The following AKT3 variants were observed in gnomAD, a reference collection of about 807,000 sequenced individuals.
The protein encoded by AKT3 is AKT serine/threonine kinase 3.
Under a neutral mutation model 65.3 loss-of-function variants are expected in AKT3, and 15 were observed. That is an observed-to-expected ratio of 0.23 (90% CI 0.15 to 0.35). The LOEUF (loss-of-function observed/expected upper bound fraction) is 0.35. Among genes scored for constraint, AKT3 ranks in the 10% least tolerant of loss-of-function variants. The probability of loss-of-function intolerance (pLI) is 1.00; values close to 1 mark genes in which losing one functional copy is unlikely to be tolerated. For missense variants in AKT3, 243 were observed against 576.5 expected, an observed-to-expected ratio of 0.42 and a Z score of 5.92; for synonymous variants, 206 against 183.8, an observed-to-expected ratio of 1.12 and a Z score of -0.98.
intron 13 of AKT3, among the ~76,000 whole-genome samples, chr1:243,509,442 T>C (rs1669883876): frequency 6.6e-6 from 1 of 152,132 alleles, no homozygotes; most frequent in Admixed American, 6.5e-5. Flanking sequence ...GAGATTCTGG[T>C]CCTTGAAAGC....
At chr1:243,587,500 A>C (rs1675897654) in intron 8 of AKT3, among the ~76,000 whole-genome samples, 1 of 152,062 alleles carries the variant, frequency 6.6e-6, no homozygotes, top group African/African-American at 2.4e-5. Flanking sequence ...AATCCCAGCT[A>C]CTCAGGAGGC....
chr1:243,570,469 T>A (rs1674477885), intron 9 of AKT3, among the ~76,000 whole-genome samples: 1 of 152,208 alleles, frequency 6.6e-6, no homozygotes, highest in Non-Finnish European at 1.5e-5. Flanking sequence ...CCCCCCTCTA[T>A]AATTTCATTT....
chr1:243,575,219 G>C (rs1674853758), intron 8 of AKT3, among the ~76,000 whole-genome samples: 1 of 152,106 alleles, frequency 6.6e-6, no homozygotes, highest in Non-Finnish European at 1.5e-5. Context: ...CTGGGCTTTG[G>C]TAATATGACT....
chr1:243,501,745 C>A lies in AKT3; in HGVS notation c.*3504G>T, dbSNP rs1252961369. 4.3e-6 allele frequency: 1 copy of A among 232,804 alleles called. No homozygotes were observed. Among genetic ancestry groups the A allele is most frequent in the Non-Finnish European group, 8.5e-6 (1 of 117,894 alleles). 14.4% of individuals were successfully genotyped at this position (232,804 alleles called of 1,614,324 possible). The stretch of plus-strand genomic sequence containing the variant: ...GGGGGGATTATAGAACCACATCCAA[C>A]AACAATAAACAGAGAAGTAGCAGAT... On this transcript the variant is annotated 3_prime_UTR_variant, in exon 14 of 14. Coordinates refer to ENST00000673466, the MANE Select transcript of AKT3 (RefSeq NM_005465.7).
intron 8 of AKT3, among the ~76,000 whole-genome samples, chr1:243,582,498 C>G (rs1222245076): frequency 6.7e-6 from 1 of 149,650 alleles, no homozygotes; most frequent in African/African-American, 2.5e-5. Context: ...ATTTCATAAC[C>G]TGCCAAACCA....
At chr1:243,666,301 G>A (rs1427338224) in intron 3 of AKT3, among the ~76,000 whole-genome samples, 1 of 152,106 alleles carries the variant, frequency 6.6e-6, no homozygotes, top group Non-Finnish European at 1.5e-5. Flanking sequence ...ACCGTATCCA[G>A]CCCCAGATTA....
intron 13 of AKT3, among the ~76,000 whole-genome samples, chr1:243,508,515 C>A (rs1669810896): frequency 6.6e-6 from 1 of 152,188 alleles, no homozygotes; most frequent in African/African-American, 2.4e-5. Context: ...CACAGCAAGT[C>A]CATAGCGCCC....
chr1:243,561,172 A>G (rs2148482770), intron 10 of AKT3, among the ~76,000 whole-genome samples: 1 of 152,264 alleles, frequency 6.6e-6, no homozygotes, highest in Admixed American at 6.5e-5. Flanking sequence ...TATTTACAAT[A>G]ACTTAACATT....
At chr1:243,806,214 C>CTA (rs1449198572) in intron 2 of AKT3, among the ~76,000 whole-genome samples, 1 of 152,194 alleles carries the variant, frequency 6.6e-6, no homozygotes, top group African/African-American at 2.4e-5. Flanking sequence ...GATACCTTTA[C>CTA]TATAGCACTT....
intron 2 of AKT3, among the ~76,000 whole-genome samples, chr1:243,797,572 C>T (rs1172508857): frequency 6.6e-6 from 1 of 152,110 alleles, no homozygotes; most frequent in East Asian, 1.9e-4. Flanking sequence ...ATAGCACCTC[C>T]CAATCCCAAC....
Position 243,539,148 on chromosome 1 carries a change from T to C in AKT3, c.1251+6362A>G, listed in dbSNP as rs1672121575. ...TTGAACAACATGAGATTGAATTGCA[T>C]GGGCCCACGTACACCCGGATTTTCT... On this transcript the variant is annotated intron_variant, in intron 12 of 13. Coordinates refer to ENST00000673466, the MANE Select transcript of AKT3 (RefSeq NM_005465.7). Among the ~76,000 whole-genome samples, 5 of 152,104 alleles carry C rather than the reference T, an allele frequency of 3.3e-5. No homozygotes were observed. In the South Asian group the frequency reaches 8.3e-4, roughly 25 times the overall value.
chr1:243,710,645 A>C (rs946998058), intron 2 of AKT3, among the ~76,000 whole-genome samples: 2 of 152,182 alleles, frequency 1.3e-5, no homozygotes, highest in Admixed American at 6.5e-5. Context: ...AAACAATTTG[A>C]AAAGAAAAAT....
At chr1:243,694,368 T>C (rs1684921101) in intron 3 of AKT3, among the ~76,000 whole-genome samples, 1 of 152,134 alleles carries the variant, frequency 6.6e-6, no homozygotes, top group African/African-American at 2.4e-5. Flanking sequence ...CAGTTGACAA[T>C]AGGGTTTAAA....
intron 2 of AKT3, among the ~76,000 whole-genome samples, chr1:243,725,751 T>C (rs190700894): frequency 3.9e-5 from 6 of 152,258 alleles, no homozygotes; most frequent in African/African-American, 1.4e-4. Context: ...CAAAAAAAAT[T>C]AGTGAAAAGT....
chr1:243,523,258 C>T (rs1009145212), intron 12 of AKT3, among the ~76,000 whole-genome samples: 13 of 126,316 alleles, frequency 1.0e-4, no homozygotes, highest in Non-Finnish European at 2.0e-4. Context: ...CCAAAAAGGA[C>T]GAACACACAC....
chr1:243,828,339 A>G (rs1694301188), intron 2 of AKT3, among the ~76,000 whole-genome samples: 3 of 152,172 alleles, frequency 2.0e-5, no homozygotes. Flanking sequence ...TTTAAGACAG[A>G]TTAAGGATTG....
intron 2 of AKT3, among the ~76,000 whole-genome samples, chr1:243,761,126 A>G (rs978640735): frequency 6.6e-6 from 1 of 152,196 alleles, no homozygotes; most frequent in Non-Finnish European, 1.5e-5. Context: ...AAGCCAAGAC[A>G]CCAGAGCAGG....
chr1:243,717,991 T>G (rs1686617518), intron 2 of AKT3, among the ~76,000 whole-genome samples: 1 of 152,226 alleles, frequency 6.6e-6, no homozygotes, highest in African/African-American at 2.4e-5. Context: ...TATGCAACAT[T>G]TCTATGATTA....
chr1:243,781,994 T>C (rs1223249397), intron 2 of AKT3, among the ~76,000 whole-genome samples: 1 of 152,138 alleles, frequency 6.6e-6, no homozygotes, highest in Non-Finnish European at 1.5e-5. Flanking sequence ...AGCTAACTTT[T>C]GTATTTTTTG....
Sources: allele counts gnomAD v4.1 joint callset (sites outside exome capture counted in the v4.1 genomes callset), GRCh38; gene constraint gnomAD v4.1.1; transcripts MANE v1.5; gene names NCBI Gene and HGNC (gene_info 2026-07-23, HGNC 2026-07-21).